Variants in GIPC3 observed in about 807,000 individuals in gnomAD.
GIPC3 encodes the protein GIPC PDZ domain containing family member 3.
Under a neutral mutation model 27.3 loss-of-function variants are expected in GIPC3, and 16 were observed. That is an observed-to-expected ratio of 0.59 (90% CI 0.40 to 0.89). GIPC3 has a LOEUF of 0.89. GIPC3 is among the 40% of genes least tolerant of loss of function. GIPC3 has a pLI of 0.00. For synonymous variants in GIPC3, 194 were observed against 184.6 expected (o/e 1.05, Z -0.41); for missense variants, 440 against 442.1 (o/e 1.00, Z 0.04).
rs2032514586 is a variant in GIPC3 at position 3,592,957 on chromosome 19, C to T, written c.*2767C>T. 3.3e-6 allele frequency: 4 copies of T among 1,224,274 alleles called. No individual in the cohort carries two copies. The highest frequency in any genetic ancestry group is 4.1e-6 in the Non-Finnish European group (4 of 981,740). 75.8% of individuals were successfully genotyped at this position (1,224,274 alleles called of 1,614,324 possible). A position where few individuals can be genotyped will look rare whatever the true frequency, so the allele number is the denominator to read the frequency against. On this transcript the variant is annotated 3_prime_UTR_variant, in exon 6 of 6. Transcript: ENST00000644452. ...GGCCCATCCCCCAGAGACCCCACCC[C>T]AGCCCCTAGCAAAGACCCCCAGCCT...
Position 3,593,276 on chromosome 19 carries a change from C to CG in GIPC3, c.*3092dup, listed in dbSNP as rs2032524704. The CG allele has an allele frequency of 1.6e-6, 2 of 1,232,284 alleles. No homozygotes were observed. Among genetic ancestry groups the CG allele is most frequent in the Middle Eastern group, 3.1e-4 (1 of 3,236 alleles). 76.3% of individuals were successfully genotyped at this position (1,232,284 alleles called of 1,614,324 possible). A position where few individuals can be genotyped will look rare whatever the true frequency, so the allele number is the denominator to read the frequency against. Reference sequence around the variant, plus strand: ...GGGAGCCAGGAGCCCGCCCTTACCGCGGGGGGCCGTAGCTTGGCTGTGACT... The same window carrying CG: ...GGGAGCCAGGAGCCCGCCCTTACCGCGGGGGGGCCGTAGCTTGGCTGTGACT... On this transcript the variant is annotated 3_prime_UTR_variant, in exon 6 of 6. Transcript: ENST00000644452.
chr19:3,586,587 G>A lies in GIPC3; in HGVS notation c.318G>A (p.Val106=). ...IGLEDFIFAH[V]RGETKEVEVT... is the part of the protein sequence containing the mutation. ...TGGAGGACTTCATCTTTGCCCACGT[G>A]CGAGGCGAGACCAAGGAGGTGGAGG... Residue 106 remains valine (V), a synonymous_variant, in exon 2 of 6, where the codon GTG becomes GTA. Coordinates refer to ENST00000644452, the MANE Select transcript of GIPC3 (RefSeq NM_133261.3). 1 of 1,613,856 alleles carries A rather than the reference G, an allele frequency of 6.2e-7. No homozygotes were observed. The highest frequency in any genetic ancestry group is 8.5e-7 in the Non-Finnish European group (1 of 1,179,968).
intron 3 of GIPC3, among the ~76,000 whole-genome samples, chr19:3,588,943 C>CAA (rs879066514): frequency 1.5e-4 from 14 of 96,250 alleles, no homozygotes; most frequent in African/African-American, 3.0e-4. Context: ...GACAACATCT[C>CAA]AAAAAAAAAA....
rs1393943019 is a variant in GIPC3 at position 3,586,877 on chromosome 19, G to A, written c.475G>A (p.Ala159Thr). 1.2e-6 allele frequency: 2 copies of A among 1,613,496 alleles called. No individual in the cohort carries two copies. The highest frequency in any genetic ancestry group is 1.3e-5 in the African/African-American group (1 of 75,068). Residue 159 changes from alanine (A) to threonine (T), a missense_variant, in exon 3 of 6, where the codon GCC becomes ACC. By Grantham distance (58) the Ala-to-Thr change is moderately conservative. Transcript: ENST00000644452. ...EAVCVGDSIE[A>T]INDHSIVGCR... ...AGTGTGCGTGGGTGACAGCATCGAAGCCATCAACGACCACTCCATTGTGGG... is the reference window on the plus strand; with the variant it reads ...AGTGTGCGTGGGTGACAGCATCGAAACCATCAACGACCACTCCATTGTGGG...
In GIPC3 at chr19:3,591,855, G is replaced by A. The variant is rs2032492313; in HGVS notation, c.*1665G>A. 2 of 1,233,000 alleles carry A rather than the reference G, an allele frequency of 1.6e-6. No homozygotes were observed. Among genetic ancestry groups the A allele is most frequent in the East Asian group, 6.3e-5 (2 of 31,712 alleles). 76.4% of individuals were successfully genotyped at this position (1,233,000 alleles called of 1,614,324 possible). A position where few individuals can be genotyped will look rare whatever the true frequency, so the allele number is the denominator to read the frequency against. On this transcript the variant is annotated 3_prime_UTR_variant, in exon 6 of 6. Transcript: ENST00000644452. ...ACCCAGCTCCAGCACACAGCTTGGTGCCAAGCCCCACTCTCCTTGCACAAT... is the reference window on the plus strand; with the variant it reads ...ACCCAGCTCCAGCACACAGCTTGGTACCAAGCCCCACTCTCCTTGCACAAT...
rs2032368965 is a variant in GIPC3, at chr19:3,586,539, G to A, written c.270G>A (p.Lys90=). 1 of 1,613,934 alleles carries A rather than the reference G, an allele frequency of 6.2e-7. No homozygotes were observed. The highest frequency in any genetic ancestry group is 1.1e-5 in the South Asian group (1 of 91,082). ...TLNSHKVDMQ[K]LLGGQIGLED... Reference sequence around the variant, plus strand: ...ACAGCCACAAAGTGGACATGCAGAAGCTCCTGGGGGGTCAGATAGGCCTGG... The same window carrying A: ...ACAGCCACAAAGTGGACATGCAGAAACTCCTGGGGGGTCAGATAGGCCTGG... The change falls in exon 2 of 6, where the codon AAG becomes AAA. Residue 90 remains lysine, a synonymous_variant. Coordinates refer to ENST00000644452, the MANE Select transcript of GIPC3 (RefSeq NM_133261.3).
At position 3,590,076 on chromosome 19, in the gene GIPC3, C is replaced by T. The variant is rs757685416; in HGVS notation, c.825C>T (p.Ser275=). The part of the protein sequence containing the change: ...TMVETSKKTA[S]AQEFARCLDS... ...TGGAGACGTCCAAGAAGACAGCGAG[C>T]GCCCAGGAGTTTGCACGCTGTTTAG... The change falls in exon 6 of 6, where the codon AGC becomes AGT. Residue 275 remains serine (S), a synonymous_variant. Coordinates refer to ENST00000644452, the MANE Select transcript of GIPC3 (RefSeq NM_133261.3). 49 of 1,611,234 alleles carry T rather than the reference C, an allele frequency of 3.0e-5. No individual in the cohort carries two copies. The highest frequency in any genetic ancestry group is 4.5e-5 in the East Asian group (2 of 44,812).
chr19:3,589,233 A>G (rs2032434378), intron 3 of GIPC3, among the ~76,000 whole-genome samples: 1 of 152,202 alleles, frequency 6.6e-6, no homozygotes, highest in Non-Finnish European at 1.5e-5. Context: ...CTGCTCCATT[A>G]CAACACCTCA....
chr19:3,589,570 G>C lies in GIPC3; in HGVS notation c.705+15G>C. ...TGGAGGAAGCGGTGAGTGAAGGGGA[G>C]GGGCTCTCCCCAGGCTTCTGCACCT... On this transcript the variant is annotated intron_variant, in intron 4 of 5. Transcript: ENST00000644452. 1 of 1,597,610 alleles carries C rather than the reference G, an allele frequency of 6.3e-7. No individual in the cohort carries two copies. Among genetic ancestry groups the C allele is most frequent in the Non-Finnish European group, 8.6e-7 (1 of 1,165,372 alleles).
At position 3,592,876 on chromosome 19, in the gene GIPC3, G is replaced by T. The variant is rs2032512385; in HGVS notation, c.*2686G>T. 2 of 1,232,128 alleles carry T rather than the reference G, an allele frequency of 1.6e-6. No homozygotes were observed. The highest frequency in any genetic ancestry group is 2.0e-6 in the Non-Finnish European group (2 of 988,120). The allele number at this position is 1,232,128 out of a possible 1,614,324, so 76.3% of individuals were successfully genotyped here. ...AATGGAATCTGCCCACAGACCCCTG[G>T]CCTTGACCCTAGAATCCAGCTTGAG... On this transcript the variant is annotated 3_prime_UTR_variant, in exon 6 of 6. Transcript: ENST00000644452.
chr19:3,586,392 G>A (rs1207641311), intron 1 of GIPC3, 103 bp from the exon 2 acceptor site: 2 of 1,051,950 alleles, frequency 1.9e-6, no homozygotes, highest in Admixed American at 2.0e-5. Flanking sequence ...CTTTCCCATG[G>A]GCTGGGATCC....
chr19:3,587,814 C>G (rs1401357137), intron 3 of GIPC3, among the ~76,000 whole-genome samples: 1 of 151,344 alleles, frequency 6.6e-6, no homozygotes, highest in Non-Finnish European at 1.5e-5. Flanking sequence ...CCTCAGCCTC[C>G]CGAGTAGCTG....
At position 3,591,046 on chromosome 19, in the gene GIPC3, T is replaced by C. The variant is rs574042362; in HGVS notation, c.*856T>C. On this transcript the variant is annotated 3_prime_UTR_variant, in exon 6 of 6. Coordinates refer to ENST00000644452, the MANE Select transcript of GIPC3 (RefSeq NM_133261.3). ...ATAAGCTCTGAAACCAAGCCCAGCA[T>C]AGAGACCAAGCCGTGTTCTAGAATT... 64 of 1,220,584 alleles carry C rather than the reference T, an allele frequency of 5.2e-5. 1 individual carries two copies. The South Asian group carries it at 2.1e-3, about 41-fold the overall frequency. The allele number at this position is 1,220,584 out of a possible 1,614,324, so 75.6% of individuals were successfully genotyped here.
At chr19:3,589,369 G>C (rs1403080754) in intron 3 of GIPC3, 74 bp from the exon 4 acceptor site, 1 of 1,076,014 alleles carries the variant, frequency 9.3e-7, no homozygotes, top group African/African-American at 1.5e-5. Flanking sequence ...AGGCTCGGCT[G>C]TTGGCCTCCC....
In GIPC3 at chr19:3,591,210, G is replaced by A. The variant is rs1599865691; in HGVS notation, c.*1020G>A. 5 of 1,232,882 alleles carry A rather than the reference G, an allele frequency of 4.1e-6. No homozygotes were observed. The highest frequency in any genetic ancestry group is 5.1e-6 in the Non-Finnish European group (5 of 988,584). The allele number at this position is 1,232,882 out of a possible 1,614,324, so 76.4% of individuals were successfully genotyped here. ...CTGTTCTAGAACTCAGGCCACCTCT[G>A]AGGCCAAACCCAGCTCTAGAACCCA... On this transcript the variant is annotated 3_prime_UTR_variant, in exon 6 of 6. Transcript: ENST00000644452.
rs2145276749 is a variant in GIPC3 at position 3,591,057 on chromosome 19, C to A, written c.*867C>A. On this transcript the variant is annotated 3_prime_UTR_variant, in exon 6 of 6. Coordinates refer to ENST00000644452, the MANE Select transcript of GIPC3 (RefSeq NM_133261.3). ...AACCAAGCCCAGCATAGAGACCAAG[C>A]CGTGTTCTAGAATTCAGGCCACATC... 1 of 1,232,982 alleles carries A rather than the reference C, an allele frequency of 8.1e-7. No homozygotes were observed. Among genetic ancestry groups the A allele is most frequent in the Non-Finnish European group, 1.0e-6 (1 of 988,958 alleles). 76.4% of individuals were successfully genotyped at this position (1,232,982 alleles called of 1,614,324 possible).
Position 3,592,771 on chromosome 19 carries a change from G to A in GIPC3, c.*2581G>A. On this transcript the variant is annotated 3_prime_UTR_variant, in exon 6 of 6. Coordinates refer to ENST00000644452, the MANE Select transcript of GIPC3 (RefSeq NM_133261.3). The stretch of plus-strand genomic sequence containing the variant: ...CAGCCCAGCCCTGGAGCCCACCTTA[G>A]TTCTGGAACCCAGCCTGTTTCTGGA... The A allele has an allele frequency of 8.1e-7, 1 of 1,232,120 alleles. No homozygotes were observed. Among genetic ancestry groups the A allele is most frequent in the Admixed American group, 4.2e-5 (1 of 23,708 alleles). The allele number at this position is 1,232,120 out of a possible 1,614,324, so 76.3% of individuals were successfully genotyped here.
In GIPC3 at chr19:3,591,915, A is replaced by G. The variant is rs1370424925; in HGVS notation, c.*1725A>G. On this transcript the variant is annotated 3_prime_UTR_variant, in exon 6 of 6. Coordinates refer to ENST00000644452, the MANE Select transcript of GIPC3 (RefSeq NM_133261.3). ...CTCTAGAATGCAGTTTACTTCCAGGACCCAGACCAATTTCAAGGCCTGGCC... is the reference window on the plus strand; with the variant it reads ...CTCTAGAATGCAGTTTACTTCCAGGGCCCAGACCAATTTCAAGGCCTGGCC... 3 of 1,232,244 alleles carry G rather than the reference A, an allele frequency of 2.4e-6. No homozygotes were observed. Among genetic ancestry groups the G allele is most frequent in the East Asian group, 6.3e-5 (2 of 31,706 alleles). The allele number at this position is 1,232,244 out of a possible 1,614,324, so 76.3% of individuals were successfully genotyped here.
intron 3 of GIPC3, among the ~76,000 whole-genome samples, chr19:3,587,623 T>C (rs189239218): frequency 1.3e-5 from 2 of 151,888 alleles, no homozygotes; most frequent in South Asian, 2.1e-4. Context: ...TGGTGGATTG[T>C]AGAGAATGAG....
Sources: gnomAD v4.1 joint callset for allele counts (sites outside exome capture counted in the v4.1 genomes callset) on GRCh38, gnomAD v4.1.1 for gene constraint, MANE v1.5 for transcripts, NCBI Gene and HGNC (gene_info 2026-07-23, HGNC 2026-07-21) for gene names.